CNTN6: variants seen among roughly 807,000 people sequenced by gnomAD.
The protein encoded by CNTN6 is contactin-6.
Under a neutral mutation model 122.8 loss-of-function variants are expected in CNTN6, and 137 were observed. The observed-to-expected ratio is 1.12, with a 90% CI of 0.97 to 1.29. The LOEUF (loss-of-function observed/expected upper bound fraction) is 1.29. Ranked by LOEUF, CNTN6 falls within the 50% of genes most tolerant of loss-of-function variation. The probability of loss-of-function intolerance (pLI) is 0.00; values close to 1 mark genes in which losing one functional copy is unlikely to be tolerated. For synonymous variants in CNTN6, 570 were observed against 426.0 expected, an observed-to-expected ratio of 1.34 and a Z score of -4.16; for missense variants, 1,634 against 1,223.4, an observed-to-expected ratio of 1.34 and a Z score of -5.01.
chr3:1,234,047 T>C (rs1403344559), intron 4 of CNTN6, among the ~76,000 whole-genome samples: 1 of 152,166 alleles, frequency 6.6e-6, no homozygotes, highest in East Asian at 1.9e-4. Context: ...ACACCTGCCA[T>C]GCCATTCATC....
chr3:1,256,002 G>A (rs572092439), intron 4 of CNTN6, among the ~76,000 whole-genome samples: 2 of 152,016 alleles, frequency 1.3e-5, no homozygotes, highest in African/African-American at 2.4e-5. Context: ...CCAAGCAGCT[G>A]GGAATACAGG....
intron 2 of CNTN6, among the ~76,000 whole-genome samples, chr3:1,194,223 C>A (rs2093743438): frequency 6.6e-6 from 1 of 152,022 alleles, no homozygotes; most frequent in Admixed American, 6.6e-5. Flanking sequence ...AGGGAGAAAT[C>A]TTTTAAAATA....
intron 7 of CNTN6, among the ~76,000 whole-genome samples, chr3:1,301,100 G>A (rs1404300023): frequency 7.4e-6 from 1 of 135,032 alleles, no homozygotes; most frequent in Non-Finnish European, 1.5e-5. Flanking sequence ...GCAATGGCAC[G>A]ATCTCGGCTC....
At chr3:1,152,843 T>C (rs1041159974) in intron 2 of CNTN6, among the ~76,000 whole-genome samples, 4 of 152,188 alleles carry the variant, frequency 2.6e-5, no homozygotes, top group Admixed American at 2.6e-4. Context: ...TATTAGAAGA[T>C]CTGCAGTCCT....
At position 1,295,605 on chromosome 3, in the gene CNTN6, A is replaced by C. The variant is rs781215784; in HGVS notation, c.459A>C (p.Leu153Phe). The C allele has an allele frequency of 6.8e-6, 11 of 1,612,346 alleles. No homozygotes were observed. Among genetic ancestry groups the C allele is most frequent in the Non-Finnish European group, 9.3e-6 (11 of 1,179,092 alleles). Reference protein sequence around the residue: ...LCGPPPHFGDLSYAWTFNDNP... With the variant: ...LCGPPPHFGDFSYAWTFNDNP... ...GTTTTGTTTCTTGTTTTTCAGATTT[A>C]TCTTATGCATGGACCTTCAATGATA... is the stretch of plus-strand genomic sequence containing the variant. Residue 153 changes from leucine (L) to phenylalanine (F), a missense_variant, in exon 6 of 23, where the codon TTA (leucine) becomes TTC (phenylalanine). Transcript: ENST00000446702.
chr3:1,115,067 T>C (rs955314634), intron 1 of CNTN6, among the ~76,000 whole-genome samples: 3 of 152,144 alleles, frequency 2.0e-5, no homozygotes, highest in African/African-American at 7.2e-5. Context: ...CAGCACAATT[T>C]CAGTTTTAAG....
intron 1 of CNTN6, among the ~76,000 whole-genome samples, chr3:1,103,227 C>T (rs1323233975): frequency 6.6e-6 from 1 of 152,204 alleles, no homozygotes; most frequent in Non-Finnish European, 1.5e-5. Flanking sequence ...GTTTTCTAGG[C>T]ATTTAATGTC....
intron 3 of CNTN6, among the ~76,000 whole-genome samples, chr3:1,226,114 A>G (rs1478958490): frequency 1.3e-5 from 2 of 152,124 alleles, no homozygotes; most frequent in African/African-American, 4.8e-5. Flanking sequence ...CCTGGCCTCA[A>G]GCTATCTGCC....
intron 12 of CNTN6, among the ~76,000 whole-genome samples, chr3:1,365,861 A>G (rs188584964): frequency 7.4e-4 from 112 of 152,262 alleles, no homozygotes; most frequent in African/African-American, 2.6e-3. Context: ...TTGAAGTATT[A>G]CTAACCAGGA....
At chr3:1,284,344 G>A (rs1454080055) in intron 5 of CNTN6, among the ~76,000 whole-genome samples, 1 of 152,194 alleles carries the variant, frequency 6.6e-6, no homozygotes. Context: ...CCTTCCTCCA[G>A]TTGGTGTGCT....
chr3:1,266,020 GT>G lies in CNTN6; in HGVS notation c.359-12382del, dbSNP rs369400317. ...TACATAGTTATATAAAGTTAAAGGTGTTTTTTTTTTTGCATAACACCTAAGT... is the reference window on the plus strand; with the variant it reads ...TACATAGTTATATAAAGTTAAAGGTGTTTTTTTTTTGCATAACACCTAAGT... On this transcript the variant is annotated intron_variant, in intron 4 of 22. Coordinates refer to ENST00000446702, the MANE Select transcript of CNTN6 (RefSeq NM_001289080.2). 1.3e-3 allele frequency among the ~76,000 whole-genome samples: 183 copies of G among 141,890 alleles called. 2 individuals are homozygous for G. Among genetic ancestry groups the G allele is most frequent in the African/African-American group, 3.3e-3 (128 of 39,044 alleles). 93.1% of individuals were successfully genotyped at this position (141,890 alleles called of 152,430 possible).
intron 1 of CNTN6, among the ~76,000 whole-genome samples, chr3:1,123,232 G>A (rs1197283721): frequency 1.3e-5 from 2 of 151,798 alleles, no homozygotes; most frequent in Non-Finnish European, 2.9e-5. Context: ...AATCACATGA[G>A]TAGTTAACAC....
chr3:1,152,797 AC>A lies in CNTN6; in HGVS notation c.55+4736del, dbSNP rs569894551. Reference sequence around the variant, plus strand: ...GTGCTATATCTGTTCTTATGAGTTAACCAGGGTTAGAGATAGCACAATTTTA... The same window carrying A: ...GTGCTATATCTGTTCTTATGAGTTAACAGGGTTAGAGATAGCACAATTTTA... On this transcript the variant is annotated intron_variant, in intron 2 of 22. Transcript: ENST00000446702. 7.8e-4 allele frequency among the ~76,000 whole-genome samples: 119 copies of A among 152,332 alleles called. 1 individual carries two copies. The South Asian group carries it at 0.024, about 30-fold the overall frequency.
chr3:1,386,753 T>C (rs976356390), intron 20 of CNTN6, among the ~76,000 whole-genome samples: 6 of 152,286 alleles, frequency 3.9e-5, no homozygotes, highest in African/African-American at 1.4e-4. Flanking sequence ...GTTGCTGAAT[T>C]TTGAGAAAGA....
At chr3:1,138,657 A>G (rs1428727935) in intron 1 of CNTN6, among the ~76,000 whole-genome samples, 1 of 152,048 alleles carries the variant, frequency 6.6e-6, no homozygotes, top group Non-Finnish European at 1.5e-5. Flanking sequence ...AGATAAATCT[A>G]TTTATATTTT....
At chr3:1,209,002 G>A (rs933244065) in intron 2 of CNTN6, among the ~76,000 whole-genome samples, 3 of 152,132 alleles carry the variant, frequency 2.0e-5, no homozygotes, top group Non-Finnish European at 2.9e-5. Context: ...ATCTAGATAA[G>A]CAATGATGTA....
intron 4 of CNTN6, among the ~76,000 whole-genome samples, chr3:1,277,237 T>C (rs1692532117): frequency 2.0e-5 from 3 of 152,124 alleles, no homozygotes; most frequent in African/African-American, 7.2e-5. Flanking sequence ...CTTCTGGTCT[T>C]CCCATTAGAT....
chr3:1,352,190 A>C, intron 11 of CNTN6, 134 bp from the exon 12 acceptor site: 1 of 708,760 alleles, frequency 1.4e-6, no homozygotes, highest in Non-Finnish European at 2.1e-6. Flanking sequence ...GAAGAACAGA[A>C]TAATAGGAAA....
chr3:1,105,212 A>G (rs2124986389), intron 1 of CNTN6, among the ~76,000 whole-genome samples: 1 of 152,272 alleles, frequency 6.6e-6, no homozygotes, highest in African/African-American at 2.4e-5. Flanking sequence ...CGATTGGATT[A>G]CAAAACAAAT....
Sources: allele counts gnomAD v4.1 joint callset (sites outside exome capture counted in the v4.1 genomes callset), GRCh38; gene constraint gnomAD v4.1.1; transcripts MANE v1.5; gene names NCBI Gene and HGNC (gene_info 2026-07-23, HGNC 2026-07-21).